CDCA7L: variants seen among roughly 807,000 people sequenced by gnomAD.
CDCA7L encodes the protein cell division cycle associated 7 like.
CDCA7L carries 44 observed loss-of-function variants against 57.4 expected under a neutral mutation model. The ratio of observed to expected loss-of-function variants is 0.77; its 90% CI spans 0.60 to 0.98. The LOEUF is 0.98. Ranked by LOEUF, CDCA7L falls within the 50% of genes least tolerant of loss-of-function variation. The pLI, the probability that CDCA7L is intolerant of heterozygous loss-of-function variation, is 0.00. For synonymous variants in CDCA7L, 236 were observed against 202.8 expected (o/e 1.16, Z -1.39); for missense variants, 644 against 580.6 (o/e 1.11, Z -1.12).
intron 4 of CDCA7L, among the ~76,000 whole-genome samples, chr7:21,906,924 G>A (rs767566824): frequency 2.6e-5 from 4 of 152,136 alleles, no homozygotes; most frequent in Non-Finnish European, 5.9e-5. Context: ...CCTGGAGCAT[G>A]AGGTTCCGAT....
At chr7:21,940,249 C>G in intron 1 of CDCA7L, 1 of 923,558 alleles carries the variant, frequency 1.1e-6, no homozygotes, top group African/African-American at 1.8e-5. Context: ...AAGTGCAACC[C>G]TACACCACTT....
At position 21,905,631 on chromosome 7, in the gene CDCA7L, C is replaced by T; in HGVS notation, c.922G>A (p.Gly308Arg). 1 of 1,613,392 alleles carries T rather than the reference C, an allele frequency of 6.2e-7. No homozygotes were observed. The highest frequency in any genetic ancestry group is 8.5e-7 in the Non-Finnish European group (1 of 1,179,896). The change falls in exon 7 of 10, where the codon GGG (glycine) becomes AGG (arginine). Residue 308 changes from glycine (G) to arginine (R), a missense_variant and splice_region_variant. Physicochemically the swap from Gly to Arg is moderately radical, Grantham distance 125 (BLOSUM62 -2). Transcript: ENST00000406877. The part of the protein sequence containing the change: ...YSFRRRKTIG[G>R]KCREYRRRHR... ...CGTCGTCTGTACTCCCGGCATTTCC[C>T]CTGCACAATGAACACAAGCAGAACA...
At chr7:21,923,603 T>C (rs1370495905) in intron 1 of CDCA7L, among the ~76,000 whole-genome samples, 2 of 152,206 alleles carry the variant, frequency 1.3e-5, no homozygotes, top group Admixed American at 1.3e-4. Context: ...TTAGCCTAGT[T>C]TTAATGGTAC....
chr7:21,937,200 G>A (rs1279877712), intron 1 of CDCA7L, among the ~76,000 whole-genome samples: 1 of 152,184 alleles, frequency 6.6e-6, no homozygotes, highest in Non-Finnish European at 1.5e-5. Flanking sequence ...CTTAATATAA[G>A]GTGACAATAC....
rs776020854 is a variant in CDCA7L at position 21,902,277 on chromosome 7, T to TTGGAGTACTCTATG, written c.*31_*44dup. 6.4e-7 allele frequency: 1 copy of TTGGAGTACTCTATG among 1,560,878 alleles called. No individual in the cohort carries two copies. The highest frequency in any genetic ancestry group is 2.2e-5 in the East Asian group (1 of 44,718). ...AGGCACCAATGGTATGCATGTCTTG[T>TTGGAGTACTCTATG]TGGAGTACTCTATGGTGAGGTGGCT... On this transcript the variant is annotated 3_prime_UTR_variant, in exon 10 of 10. Coordinates refer to ENST00000406877, the MANE Select transcript of CDCA7L (RefSeq NM_018719.5).
chr7:21,923,522 C>T (rs1025368090), intron 1 of CDCA7L, among the ~76,000 whole-genome samples: 1 of 152,006 alleles, frequency 6.6e-6, no homozygotes, highest in African/African-American at 2.4e-5. Context: ...AAAAGAAAAA[C>T]CGGGGTAGAG....
At chr7:21,941,124 AAG>A (rs1307463324) in intron 1 of CDCA7L, among the ~76,000 whole-genome samples, 1 of 152,220 alleles carries the variant, frequency 6.6e-6, no homozygotes, top group Non-Finnish European at 1.5e-5. Flanking sequence ...ATACATTATA[AAG>A]AGTTATTAAA....
At chr7:21,922,936 G>A (rs1469886495) in intron 1 of CDCA7L, among the ~76,000 whole-genome samples, 2 of 152,176 alleles carry the variant, frequency 1.3e-5, no homozygotes, top group South Asian at 4.1e-4. Context: ...AGAACGGTAT[G>A]ATTCTACTTA....
intron 1 of CDCA7L, among the ~76,000 whole-genome samples, chr7:21,932,956 G>GA (rs59893919): frequency 1.9e-4 from 27 of 142,178 alleles, no homozygotes; most frequent in African/African-American, 3.0e-4. Context: ...AAATTTATAA[G>GA]AAAAAAAAAA....
chr7:21,902,625 C>T (rs1338684584), intron 9 of CDCA7L: 1 of 535,254 alleles, frequency 1.9e-6, no homozygotes, highest in African/African-American at 1.9e-5. Context: ...TCCTCTTGCC[C>T]TGAACTCTCT....
rs760133325 is a variant in CDCA7L at position 21,901,022 on chromosome 7, C to T, written c.*1300G>A. The T allele has an allele frequency of 5.6e-6, 9 of 1,605,584 alleles. No individual in the cohort carries two copies. The Admixed American group carries it at 1.4e-4, about 24-fold the overall frequency. ...TTTGCCATAGGCGCCCGCTGGGACA[C>T]CCAAGCAGGAACCATTGTTGAAGCC... On this transcript the variant is annotated 3_prime_UTR_variant, in exon 10 of 10. Transcript: ENST00000406877.
At chr7:21,918,973 C>T (rs888637984) in intron 1 of CDCA7L, among the ~76,000 whole-genome samples, 3 of 152,090 alleles carry the variant, frequency 2.0e-5, no homozygotes, top group Non-Finnish European at 2.9e-5. Flanking sequence ...CGTCCATTGA[C>T]AATTCTTTTT....
intron 1 of CDCA7L, among the ~76,000 whole-genome samples, chr7:21,920,025 T>G (rs1562629152): frequency 6.6e-6 from 1 of 152,182 alleles, no homozygotes; most frequent in Non-Finnish European, 1.5e-5. Flanking sequence ...ATCAGAACAT[T>G]CTTATGTGAA....
chr7:21,913,024 A>G (rs151328029), intron 2 of CDCA7L, among the ~76,000 whole-genome samples: 2 of 152,092 alleles, frequency 1.3e-5, no homozygotes, highest in African/African-American at 4.8e-5. Context: ...GTTTCCTCTG[A>G]CGTCTCTTCC....
intron 4 of CDCA7L, among the ~76,000 whole-genome samples, chr7:21,907,789 G>A (rs1331077990): frequency 6.6e-6 from 1 of 152,108 alleles, no homozygotes; most frequent in Admixed American, 6.5e-5. Context: ...CACTTCCCCT[G>A]CTTTACTCTG....
intron 3 of CDCA7L, among the ~76,000 whole-genome samples, chr7:21,909,616 T>G (rs948605220): frequency 1.3e-5 from 2 of 152,184 alleles, no homozygotes; most frequent in Non-Finnish European, 2.9e-5. Context: ...ATCTATTTTT[T>G]AATACCCTGA....
At chr7:21,930,083 G>A (rs1239119618) in intron 1 of CDCA7L, among the ~76,000 whole-genome samples, 1 of 151,558 alleles carries the variant, frequency 6.6e-6, no homozygotes, top group African/African-American at 2.4e-5. Context: ...ACACTCCTCA[G>A]CAAATGCAAA....
chr7:21,932,399 C>A (rs1277100352), intron 1 of CDCA7L, among the ~76,000 whole-genome samples: 3 of 152,170 alleles, frequency 2.0e-5, no homozygotes, highest in Non-Finnish European at 4.4e-5. Flanking sequence ...TGATTTCAAT[C>A]TATACTACAA....
intron 2 of CDCA7L, among the ~76,000 whole-genome samples, chr7:21,912,972 T>C (rs575898494): frequency 1.8e-4 from 28 of 152,128 alleles, no homozygotes; most frequent in African/African-American, 6.0e-4. Context: ...ACCAGCCCCC[T>C]GCAAGCCCGC....
Sources: gnomAD v4.1 joint callset for allele counts (sites outside exome capture counted in the v4.1 genomes callset) on GRCh38, gnomAD v4.1.1 for gene constraint, MANE v1.5 for transcripts, NCBI Gene and HGNC (gene_info 2026-07-23, HGNC 2026-07-21) for gene names.